The following WDPCP variants were observed in gnomAD, a reference collection of about 807,000 sequenced individuals.
The protein encoded by WDPCP is WD repeat containing planar cell polarity effector.
A neutral mutation model predicts 93.1 loss-of-function variants in WDPCP; 71 were observed. That is an observed-to-expected ratio of 0.76 (90% CI 0.63 to 0.93). The LOEUF is 0.93. WDPCP is among the 40% of genes least tolerant of loss of function. The pLI is 0.00. For missense variants in WDPCP, 844 were observed against 887.4 expected (o/e 0.95, Z 0.62); for synonymous variants, 315 against 315.0 (o/e 1.00, Z 0.00).
intron 2 of WDPCP, among the ~76,000 whole-genome samples, chr2:63,651,368 G>A (rs1271340610): frequency 6.6e-6 from 1 of 152,138 alleles, no homozygotes; most frequent in African/African-American, 2.4e-5. Flanking sequence ...GGAAGGGGAA[G>A]TCACTCTGGT....
chr2:63,698,473 C>G (rs970630184), intron 2 of WDPCP, among the ~76,000 whole-genome samples: 15 of 152,086 alleles, frequency 9.9e-5, no homozygotes, highest in African/African-American at 3.6e-4. Flanking sequence ...GAGCACCAAG[C>G]AGATGTTAGA....
intron 13 of WDPCP, among the ~76,000 whole-genome samples, chr2:63,299,248 C>T (rs1216038011): frequency 6.6e-6 from 1 of 152,212 alleles, no homozygotes; most frequent in Admixed American, 6.5e-5. Context: ...GAAGGAGGAC[C>T]ATCCAAGCTG....
At chr2:63,638,698 A>T (rs1709948521) in intron 3 of WDPCP, among the ~76,000 whole-genome samples, 1 of 151,950 alleles carries the variant, frequency 6.6e-6, no homozygotes, top group East Asian at 1.9e-4. Context: ...CTGAGGTGGG[A>T]GGATCACTTG....
At position 63,174,624 on chromosome 2, in the gene WDPCP, T is replaced by A. The variant is rs777876766; in HGVS notation, c.2078+46A>T. 7 of 1,609,028 alleles carry A rather than the reference T, an allele frequency of 4.4e-6. No individual in the cohort carries two copies. In the South Asian group the frequency reaches 7.7e-5, roughly 18 times the overall value. On this transcript the variant is annotated intron_variant, in intron 15 of 17. Transcript: ENST00000272321. ...TATTAGTTCGCATTTGAACAGGTAA[T>A]ACTAAATACTTTATGGAGCAATTTC... is the stretch of plus-strand genomic sequence containing the variant.
At chr2:63,559,201 A>G (rs1284635463) in intron 1 of WDPCP, among the ~76,000 whole-genome samples, 1 of 152,226 alleles carries the variant, frequency 6.6e-6, no homozygotes, top group Non-Finnish European at 1.5e-5. Context: ...ATAGATGCAG[A>G]AAAGGCCTTT....
chr2:63,445,887 A>G (rs541922313), intron 6 of WDPCP, among the ~76,000 whole-genome samples: 1 of 152,328 alleles, frequency 6.6e-6, no homozygotes, highest in African/African-American at 2.4e-5. Context: ...TATAACTGAT[A>G]CAAAATAAGT....
intron 12 of WDPCP, among the ~76,000 whole-genome samples, chr2:63,360,234 G>A (rs1170333091): frequency 1.3e-5 from 2 of 152,138 alleles, no homozygotes; most frequent in African/African-American, 2.4e-5. Flanking sequence ...CTTTGAATTC[G>A]ATTTTAGGCT....
chr2:63,334,131 C>G (rs1395128629), intron 12 of WDPCP, among the ~76,000 whole-genome samples: 1 of 152,130 alleles, frequency 6.6e-6, no homozygotes, highest in Non-Finnish European at 1.5e-5. Context: ...TTAACAATAC[C>G]AAGTCTTTTA....
At chr2:63,258,691 A>G (rs940505978) in intron 14 of WDPCP, among the ~76,000 whole-genome samples, 3 of 152,196 alleles carry the variant, frequency 2.0e-5, no homozygotes, top group African/African-American at 7.2e-5. Flanking sequence ...ATATTGCTCA[A>G]TTTAGCAGCA....
chr2:63,803,102 T>G (rs968023385), intron 2 of WDPCP, among the ~76,000 whole-genome samples: 1 of 152,190 alleles, frequency 6.6e-6, no homozygotes, highest in African/African-American at 2.4e-5. Context: ...AACACATGCC[T>G]GCCCACCAGC....
chr2:63,572,181 C>T (rs1226004871), intron 1 of WDPCP, among the ~76,000 whole-genome samples: 2 of 152,144 alleles, frequency 1.3e-5, no homozygotes, highest in Admixed American at 1.3e-4. Flanking sequence ...CACTCCCTAC[C>T]ACCATACTGC....
At chr2:63,797,600 T>C (rs1392496774) in intron 2 of WDPCP, among the ~76,000 whole-genome samples, 1 of 142,356 alleles carries the variant, frequency 7.0e-6, no homozygotes, top group Non-Finnish European at 1.5e-5. Flanking sequence ...CTCAAAAAAA[T>C]AAAGAAAAAG....
chr2:63,470,911 C>G (rs1046607305), intron 6 of WDPCP, among the ~76,000 whole-genome samples: 1 of 152,084 alleles, frequency 6.6e-6, no homozygotes, highest in Non-Finnish European at 1.5e-5. Flanking sequence ...TTCCCTCTAC[C>G]TGGAACGCTC....
intron 1 of WDPCP, among the ~76,000 whole-genome samples, chr2:63,527,549 T>A (rs1374237891): frequency 6.6e-6 from 1 of 152,002 alleles, no homozygotes; most frequent in Admixed American, 6.6e-5. Flanking sequence ...GGACATGACC[T>A]CATCCTTTTT....
At chr2:63,124,853 G>A (rs560109167) in intron 17 of WDPCP, among the ~76,000 whole-genome samples, 3 of 151,326 alleles carry the variant, frequency 2.0e-5, no homozygotes, top group African/African-American at 7.3e-5. Context: ...AATTTTGTTC[G>A]TATTTCTCTG....
At chr2:63,713,130 T>C (rs1355463191) in intron 2 of WDPCP, among the ~76,000 whole-genome samples, 1 of 152,260 alleles carries the variant, frequency 6.6e-6, no homozygotes, top group Non-Finnish European at 1.5e-5. Flanking sequence ...TGTGGGCATA[T>C]TGTCTCAATT....
intron 14 of WDPCP, among the ~76,000 whole-genome samples, chr2:63,194,923 T>A (rs1202515044): frequency 6.6e-6 from 1 of 152,180 alleles, no homozygotes; most frequent in Non-Finnish European, 1.5e-5. Context: ...TTATTGTATT[T>A]CAGTAGTAAT....
At chr2:63,286,651 C>T (rs1343234067) in intron 13 of WDPCP, among the ~76,000 whole-genome samples, 1 of 152,236 alleles carries the variant, frequency 6.6e-6, no homozygotes, top group Non-Finnish European at 1.5e-5. Context: ...GGTCTCTTCA[C>T]ACAGACACAC....
intron 6 of WDPCP, 90 bp from the exon 7 acceptor site, chr2:63,439,961 C>T: frequency 3.1e-6 from 3 of 975,030 alleles, no homozygotes; most frequent in Non-Finnish European, 4.9e-6. Flanking sequence ...ACAACTTATA[C>T]AGATATTTTA....
Sources: gnomAD v4.1 joint callset for allele counts (sites outside exome capture counted in the v4.1 genomes callset) on GRCh38, gnomAD v4.1.1 for gene constraint, MANE v1.5 for transcripts, NCBI Gene and HGNC (gene_info 2026-07-23, HGNC 2026-07-21) for gene names.